PARK7: variants seen among roughly 807,000 people sequenced by gnomAD.
The protein encoded by PARK7 is Parkinson disease protein 7.
Under a neutral mutation model 20.5 loss-of-function variants are expected in PARK7, and 14 were observed. That is an observed-to-expected ratio of 0.68 (90% CI 0.45 to 1.07). The LOEUF (loss-of-function observed/expected upper bound fraction) is 1.07, where lower values mean the gene tolerates loss of function less well. Ranked by LOEUF, PARK7 falls within the 50% of genes least tolerant of loss-of-function variation. The pLI, the probability that PARK7 is intolerant of heterozygous loss-of-function variation, is 0.00. For synonymous variants in PARK7, 98 were observed against 84.3 expected, an observed-to-expected ratio of 1.16 and a Z score of -0.89; for missense variants, 234 against 238.1, an observed-to-expected ratio of 0.98 and a Z score of 0.11.
At chr1:7,977,476 A>C (rs1363886240) in intron 5 of PARK7, among the ~76,000 whole-genome samples, 176 bp from the exon 6 acceptor site, 2 of 152,074 alleles carry the variant, frequency 1.3e-5, no homozygotes, top group Non-Finnish European at 2.9e-5. Context: ...GTTGTTAGAG[A>C]AGGGGTCTGT....
rs979894900 is a variant in PARK7 at position 7,968,229 on chromosome 1, A to G, written c.193-1116A>G. Among the ~76,000 whole-genome samples, 3 of 150,310 alleles carry G rather than the reference A, an allele frequency of 2.0e-5. No individual in the cohort carries two copies. The South Asian group carries it at 6.4e-4, about 32-fold the overall frequency. ...AGGCTGAGGCAGGAGAATCGCTTGA[A>G]TCCGGGAGACGGAAGTTGCAGTGAG... On this transcript the variant is annotated intron_variant, in intron 3 of 6. Transcript: ENST00000338639.
rs145196092 is a variant in PARK7, at chr1:7,970,960, G to T, written c.319G>T (p.Ala107Ser). ...NRKGLIAAIC[A>S]GPTALLAHEI... ...GAAGGGCCTGATAGCCGCCATCTGT[G>T]CAGGTGACGTGCAGGGGCAGCCTGT... Residue 107 changes from alanine (A) to serine (S), a missense_variant, in exon 5 of 7, where the codon GCA (alanine) becomes TCA (serine). Physicochemically the swap from Ala to Ser is moderately conservative, Grantham distance 99. Coordinates refer to ENST00000338639, the MANE Select transcript of PARK7 (RefSeq NM_007262.5). 1 of 1,614,196 alleles carries T rather than the reference G, an allele frequency of 6.2e-7. No individual in the cohort carries two copies. The highest frequency in any genetic ancestry group is 8.5e-7 in the Non-Finnish European group (1 of 1,180,030).
chr1:7,965,219 GT>G, intron 2 of PARK7, 104 bp from the exon 3 acceptor site: 1 of 1,020,232 alleles, frequency 9.8e-7, no homozygotes, highest in Non-Finnish European at 1.5e-6. Flanking sequence ...TCTAGCCCAG[GT>G]GACAGGGTGA....
intron 5 of PARK7, 137 bp downstream of exon 5, chr1:7,971,100 G>A (rs1640456904): frequency 2.1e-6 from 2 of 932,730 alleles, no homozygotes; most frequent in South Asian, 2.7e-5. Flanking sequence ...AGTTTGGGTG[G>A]CATGAAGTTG....
intron 3 of PARK7, among the ~76,000 whole-genome samples, chr1:7,966,089 C>G (rs975856317): frequency 6.6e-6 from 1 of 152,110 alleles, no homozygotes; most frequent in Non-Finnish European, 1.5e-5. Context: ...GCTAGCATCC[C>G]TTTCCTCAGA....
chr1:7,983,852 C>T (rs1335197120), intron 6 of PARK7, among the ~76,000 whole-genome samples: 1 of 152,214 alleles, frequency 6.6e-6, no homozygotes, highest in East Asian at 1.9e-4. Flanking sequence ...TTCAGGGGTG[C>T]CTCCTGTGTG....
At position 7,984,921 on chromosome 1, in the gene PARK7, T is replaced by G. The variant is rs761919138; in HGVS notation, c.437T>G (p.Val146Gly). ...CATTACACCTACTCTGAGAATCGTG[T>G]GGAAAAAGACGGCCTGATTCTTACA... ...GGHYTYSENR[V>G]EKDGLILTSR... The change falls in exon 7 of 7, where the codon GTG becomes GGG. Residue 146 changes from valine to glycine, a missense_variant. Val to Gly is a moderately radical substitution (Grantham distance 109, BLOSUM62 -3). Coordinates refer to ENST00000338639, the MANE Select transcript of PARK7 (RefSeq NM_007262.5). This position sits in a 1 kb window ranked among gnomAD's most constrained non-coding sequence, Gnocchi z 4.3. 15 of 1,614,084 alleles carry G rather than the reference T, an allele frequency of 9.3e-6. No individual in the cohort carries two copies. Among genetic ancestry groups the G allele is most frequent in the African/African-American group, 2.7e-5 (2 of 74,924 alleles).
intron 5 of PARK7, among the ~76,000 whole-genome samples, chr1:7,975,538 A>C (rs1640566516): frequency 6.6e-6 from 1 of 152,176 alleles, no homozygotes; most frequent in African/African-American, 2.4e-5. Flanking sequence ...CATCCATCAG[A>C]ATCCCAGGTC....
chr1:7,984,829 T>G lies in PARK7; in HGVS notation c.410-65T>G. 6.3e-7 allele frequency: 1 copy of G among 1,578,632 alleles called. No individual in the cohort carries two copies. The highest frequency in any genetic ancestry group is 1.7e-5 in the Admixed American group (1 of 59,964). ...ATGCTGTAATAGTGAATTTAATTGG[T>G]AAGTAATCGTCTTTCTCGTCACATA... On this transcript the variant is annotated intron_variant, in intron 6 of 6. Coordinates refer to ENST00000338639, the MANE Select transcript of PARK7 (RefSeq NM_007262.5). This position sits in a 1 kb window ranked among gnomAD's most constrained non-coding sequence, Gnocchi z 4.3.
intron 5 of PARK7, 24 bp downstream of exon 5, chr1:7,970,987 T>C: frequency 6.2e-7 from 1 of 1,613,846 alleles, no homozygotes; most frequent in Non-Finnish European, 8.5e-7. Flanking sequence ...GCAGCCTGTG[T>C]TGCAGCGTCA....
chr1:7,972,937 G>A (rs1165639763), intron 5 of PARK7, among the ~76,000 whole-genome samples: 1 of 152,136 alleles, frequency 6.6e-6, no homozygotes, highest in African/African-American at 2.4e-5. Flanking sequence ...TGTAATCCCA[G>A]CTATCAGGAG....
intron 5 of PARK7, among the ~76,000 whole-genome samples, chr1:7,974,556 G>C (rs1173882312): frequency 1.3e-5 from 2 of 151,870 alleles, no homozygotes; most frequent in Non-Finnish European, 1.5e-5. Context: ...GTGAACCTGG[G>C]GGGCAGAGCT....
At chr1:7,964,064 C>T (rs1640272430) in intron 2 of PARK7, among the ~76,000 whole-genome samples, 2 of 152,108 alleles carry the variant, frequency 1.3e-5, no homozygotes, top group Non-Finnish European at 2.9e-5. Context: ...CCACCCACCT[C>T]GGCCTCCCAA....
intron 4 of PARK7, among the ~76,000 whole-genome samples, chr1:7,969,693 G>A (rs945337980): frequency 5.3e-5 from 8 of 151,898 alleles, no homozygotes; most frequent in African/African-American, 1.2e-4. Context: ...CAGTTCTCCT[G>A]CCTCAGCCTC....
chr1:7,968,590 A>T (rs1640382001), intron 3 of PARK7, among the ~76,000 whole-genome samples: 1 of 152,042 alleles, frequency 6.6e-6, no homozygotes, highest in African/African-American at 2.4e-5. Context: ...GCCTCAGCTC[A>T]CTGCAGCCTC....
intron 6 of PARK7, among the ~76,000 whole-genome samples, chr1:7,983,423 T>C (rs918397936): frequency 3.3e-5 from 5 of 152,250 alleles, no homozygotes; most frequent in African/African-American, 1.2e-4. Context: ...GGAGTCATCC[T>C]TGAAGCCTCC....
At chr1:7,976,947 C>T (rs1255352010) in intron 5 of PARK7, among the ~76,000 whole-genome samples, 3 of 152,148 alleles carry the variant, frequency 2.0e-5, no homozygotes, top group Non-Finnish European at 2.9e-5. Flanking sequence ...GTCTTGATCT[C>T]CTGACCTCAT....
At chr1:7,970,378 G>A (rs1640439513) in intron 4 of PARK7, among the ~76,000 whole-genome samples, 1 of 152,158 alleles carries the variant, frequency 6.6e-6, no homozygotes, top group Admixed American at 6.5e-5. Context: ...GGGAAGCTGT[G>A]GGGCTAGGGC....
intron 4 of PARK7, 74 bp from the exon 5 acceptor site, chr1:7,970,820 C>T: frequency 6.9e-7 from 1 of 1,456,678 alleles, no homozygotes; most frequent in South Asian, 1.2e-5. Flanking sequence ...TTAAATTCTT[C>T]CAAAGTTTCC....
Sources: allele counts gnomAD v4.1 joint callset (sites outside exome capture counted in the v4.1 genomes callset), GRCh38; gene constraint gnomAD v4.1.1; non-coding constraint Gnocchi (gnomAD v3.1); transcripts MANE v1.5; gene names NCBI Gene and HGNC (gene_info 2026-07-23, HGNC 2026-07-21).